The following NRG3 variants were observed in gnomAD, a reference collection of about 807,000 sequenced individuals.
NRG3 encodes pro-neuregulin-3, membrane-bound isoform.
NRG3 carries 31 observed loss-of-function variants against 66.9 expected under a neutral mutation model. The observed-to-expected ratio is 0.46, with a 90% CI of 0.35 to 0.63. The LOEUF (loss-of-function observed/expected upper bound fraction) is 0.63. Ranked by LOEUF, NRG3 falls within the 20% of genes least tolerant of loss-of-function variation. The probability of loss-of-function intolerance (pLI) is 0.00; values close to 1 mark genes in which losing one functional copy is unlikely to be tolerated. For missense variants in NRG3, 910 were observed against 878.9 expected (o/e 1.04, Z -0.45); for synonymous variants, 393 against 359.4 (o/e 1.09, Z -1.06).
At chr10:82,016,847 A>T (rs1204563864) in intron 1 of NRG3, among the ~76,000 whole-genome samples, 1 of 152,176 alleles carries the variant, frequency 6.6e-6, no homozygotes, top group African/African-American at 2.4e-5. Context: ...AACAATAGTG[A>T]CATCCTTAGA....
At chr10:82,195,275 C>T (rs1231315440) in intron 1 of NRG3, among the ~76,000 whole-genome samples, 1 of 152,154 alleles carries the variant, frequency 6.6e-6, no homozygotes, top group East Asian at 1.9e-4. Context: ...TTCATGTTTC[C>T]ATGGACACGT....
At chr10:82,545,366 T>C (rs935478715) in intron 2 of NRG3, among the ~76,000 whole-genome samples, 4 of 151,626 alleles carry the variant, frequency 2.6e-5, no homozygotes, top group South Asian at 2.1e-4. Context: ...TAAAGTAATC[T>C]TGCTAATAGC....
intron 3 of NRG3, among the ~76,000 whole-genome samples, chr10:82,762,422 C>T (rs1157297342): frequency 6.6e-6 from 1 of 152,066 alleles, no homozygotes; most frequent in Non-Finnish European, 1.5e-5. Context: ...TAATTCCATG[C>T]CATTTAAATT....
At chr10:82,789,255 A>G (rs1338027079) in intron 3 of NRG3, among the ~76,000 whole-genome samples, 1 of 152,146 alleles carries the variant, frequency 6.6e-6, no homozygotes, top group Non-Finnish European at 1.5e-5. Context: ...GATGTTGACC[A>G]TCTTTTCATA....
intron 2 of NRG3, among the ~76,000 whole-genome samples, chr10:82,446,887 C>T (rs894943884): frequency 2.6e-5 from 4 of 152,162 alleles, no homozygotes; most frequent in East Asian, 1.9e-4. Flanking sequence ...AATTGGAAAT[C>T]GTATTTCTTT....
intron 3 of NRG3, among the ~76,000 whole-genome samples, chr10:82,831,289 T>C (rs1251780728): frequency 6.6e-6 from 1 of 152,196 alleles, no homozygotes; most frequent in African/African-American, 2.4e-5. Flanking sequence ...AGAAGTCTAC[T>C]TAACTGATAG....
chr10:82,015,078 T>C (rs2061728273), intron 1 of NRG3, among the ~76,000 whole-genome samples: 3 of 152,180 alleles, frequency 2.0e-5, no homozygotes, highest in Admixed American at 2.0e-4. Flanking sequence ...AGTTTTTCTT[T>C]TGTAGAGTCT....
intron 7 of NRG3, among the ~76,000 whole-genome samples, chr10:82,975,579 A>T (rs1852176558): frequency 6.6e-6 from 1 of 152,224 alleles, no homozygotes; most frequent in African/African-American, 2.4e-5. Context: ...GTCCTGATAG[A>T]TGGGCAAGCG....
Position 82,172,271 on chromosome 10 carries a change from C to CA in NRG3, c.824-186466dup, listed in dbSNP as rs555314683. Among the ~76,000 whole-genome samples, 477 of 152,156 alleles carry CA rather than the reference C, an allele frequency of 3.1e-3. 3 individuals are homozygous for CA. The highest frequency in any genetic ancestry group is 0.011 in the African/African-American group (458 of 41,502). ...CTAATAAACAAAGAGAATTTAAAGT[C>CA]AAGTCTACTGAAGTGGCCAACCGTG... On this transcript the variant is annotated intron_variant, in intron 1 of 8. Transcript: ENST00000372141.
chr10:82,605,478 T>G (rs2047911655), intron 2 of NRG3, among the ~76,000 whole-genome samples: 1 of 152,026 alleles, frequency 6.6e-6, no homozygotes, highest in Non-Finnish European at 1.5e-5. Flanking sequence ...GGGTTCAATT[T>G]GCTAATATTT....
chr10:82,216,573 G>C (rs115281514), intron 1 of NRG3, among the ~76,000 whole-genome samples: 2 of 119,418 alleles, frequency 1.7e-5, no homozygotes, highest in African/African-American at 3.2e-5. Flanking sequence ...TATATATCTG[G>C]GTGTGTGTGT....
intron 2 of NRG3, among the ~76,000 whole-genome samples, chr10:82,368,787 A>G (rs539027123): frequency 1.4e-5 from 2 of 139,122 alleles, no homozygotes; most frequent in Admixed American, 6.8e-5. Flanking sequence ...ACATATCCAT[A>G]AATATTATTT....
chr10:82,071,762 C>T (rs2064818117), intron 1 of NRG3, among the ~76,000 whole-genome samples: 3 of 151,962 alleles, frequency 2.0e-5, no homozygotes, highest in Admixed American at 6.6e-5. Flanking sequence ...GCTGAAGGGA[C>T]GCTGTGGAGC....
intron 4 of NRG3, among the ~76,000 whole-genome samples, chr10:82,917,980 ATATATATATATATGTATG>A (rs1399564758): frequency 4.2e-5 from 5 of 119,648 alleles, no homozygotes; most frequent in African/African-American, 1.1e-4. Context: ...GTATATATAT[ATATATATATATATGTATG>A]TATGTATCTC....
chr10:82,265,310 G>T (rs575595995), intron 1 of NRG3, among the ~76,000 whole-genome samples: 1 of 152,302 alleles, frequency 6.6e-6, no homozygotes, highest in East Asian at 1.9e-4. Context: ...AAGGACAGAA[G>T]TGTGGGGATG....
intron 1 of NRG3, among the ~76,000 whole-genome samples, chr10:82,285,083 G>A (rs993849200): frequency 1.3e-5 from 2 of 152,154 alleles, no homozygotes; most frequent in Non-Finnish European, 2.9e-5. Context: ...GTTCAGAAAA[G>A]GAGTTAGGGC....
chr10:82,735,396 G>A (rs909211647), intron 2 of NRG3, among the ~76,000 whole-genome samples: 17 of 152,136 alleles, frequency 1.1e-4, no homozygotes, highest in African/African-American at 3.9e-4. Context: ...ATTGAGTGGA[G>A]CTTTGAAAGC....
chr10:82,334,465 G>T (rs924615638), intron 1 of NRG3, among the ~76,000 whole-genome samples: 23 of 152,144 alleles, frequency 1.5e-4, no homozygotes, highest in African/African-American at 5.6e-4. Flanking sequence ...AAGAGAGACT[G>T]CAAATAATAG....
At chr10:82,572,944 G>A (rs941696218) in intron 2 of NRG3, among the ~76,000 whole-genome samples, 2 of 151,804 alleles carry the variant, frequency 1.3e-5, no homozygotes, top group Non-Finnish European at 2.9e-5. Flanking sequence ...ATGCCAAGGT[G>A]CAGCTTGCTC....
Sources: gnomAD v4.1 joint callset for allele counts (sites outside exome capture counted in the v4.1 genomes callset) on GRCh38, gnomAD v4.1.1 for gene constraint, MANE v1.5 for transcripts, NCBI Gene and HGNC (gene_info 2026-07-23, HGNC 2026-07-21) for gene names.